MBOAT1: variants seen among roughly 807,000 people sequenced by gnomAD.
The protein encoded by MBOAT1 is membrane-bound glycerophospholipid O-acyltransferase 1.
MBOAT1 carries 67 observed loss-of-function variants against 64.4 expected under a neutral mutation model. That is an observed-to-expected ratio of 1.04 (90% CI 0.85 to 1.27). The LOEUF (loss-of-function observed/expected upper bound fraction) is 1.27. MBOAT1 is among the 50% of genes most tolerant of loss of function. The pLI, the probability that MBOAT1 is intolerant of heterozygous loss-of-function variation, is 0.00. For missense variants in MBOAT1, 563 were observed against 604.6 expected (o/e 0.93, Z 0.72); for synonymous variants, 229 against 218.9 (o/e 1.05, Z -0.41).
At chr6:20,103,558 A>C (rs1025886011) in intron 12 of MBOAT1, among the ~76,000 whole-genome samples, 14 of 151,954 alleles carry the variant, frequency 9.2e-5, no homozygotes, top group Non-Finnish European at 1.5e-5. Context: ...CAGCCTTCCA[A>C]GTAGCTGGGA....
chr6:20,150,743 T>TG lies in MBOAT1; in HGVS notation c.323+441_323+442insC, dbSNP rs200170486. ...TACGCCCAGCTAATTTTTTTTGGGT[T>TG]TTTTTTTTTTGTATTTTTAGTAGAG... is the stretch of plus-strand genomic sequence containing the variant. On this transcript the variant is annotated intron_variant, in intron 3 of 12. Transcript: ENST00000324607. 1.0e-3 allele frequency among the ~76,000 whole-genome samples: 150 copies of TG among 147,916 alleles called. 3 individuals carry two copies. The East Asian group carries it at 0.025, about 24-fold the overall frequency.
intron 8 of MBOAT1, among the ~76,000 whole-genome samples, chr6:20,123,502 A>C (rs1760552903): frequency 6.6e-6 from 1 of 152,172 alleles, no homozygotes; most frequent in South Asian, 2.1e-4. Flanking sequence ...ACTGCAGTCT[A>C]AAATTGTTTG....
intron 1 of MBOAT1, among the ~76,000 whole-genome samples, chr6:20,211,159 C>T (rs531779616): frequency 6.6e-6 from 1 of 152,226 alleles, no homozygotes; most frequent in East Asian, 1.9e-4. Context: ...GGCAAATGTC[C>T]AGGTCTCACT....
intron 4 of MBOAT1, 43 bp from the exon 5 acceptor site, chr6:20,131,242 A>C: frequency 6.4e-7 from 1 of 1,560,260 alleles, no homozygotes; most frequent in Non-Finnish European, 8.8e-7. Flanking sequence ...CAAGAAGGCC[A>C]TTGATGTGGT....
intron 1 of MBOAT1, among the ~76,000 whole-genome samples, chr6:20,160,045 C>A (rs1240866587): frequency 6.6e-6 from 1 of 152,134 alleles, no homozygotes; most frequent in African/African-American, 2.4e-5. Context: ...ACTGACATAG[C>A]TCAGATTCAG....
At position 20,112,977 on chromosome 6, in the gene MBOAT1, T is replaced by C. The variant is rs755597178; in HGVS notation, c.1108A>G (p.Thr370Ala). The C allele has an allele frequency of 3.7e-6, 6 of 1,614,070 alleles. No individual in the cohort carries two copies. In the South Asian group the frequency reaches 4.4e-5, roughly 12 times the overall value. ...VCYQRVPWYP[T>A]VLTFILSALW... is the part of the protein sequence containing the mutation. ...GCAGACAGGATGAAGGTTAGCACCG[T>C]GGGGTACCATGGAACCCGCTGATAG... The change falls in exon 11 of 13, where the codon ACG (threonine) becomes GCG (alanine). Residue 370 changes from threonine (T) to alanine (A), a missense_variant. By Grantham distance (58) the Thr-to-Ala change is moderately conservative (BLOSUM62 0). Transcript: ENST00000324607.
intron 9 of MBOAT1, among the ~76,000 whole-genome samples, chr6:20,116,861 A>C (rs1760333438): frequency 1.3e-5 from 2 of 152,206 alleles, no homozygotes; most frequent in Non-Finnish European, 2.9e-5. Context: ...AGGCAGCCGA[A>C]GGTCAAGGGG....
chr6:20,190,810 A>G (rs533204828), intron 1 of MBOAT1, among the ~76,000 whole-genome samples: 1 of 152,256 alleles, frequency 6.6e-6, no homozygotes, highest in South Asian at 2.1e-4. Context: ...GCAGCCAGGA[A>G]GTAGTTTCTG....
Position 20,212,420 on chromosome 6 carries a change from G to T in MBOAT1, c.-186C>A, listed in dbSNP as rs541233714. 3.3e-6 allele frequency: 2 copies of T among 598,230 alleles called. No individual in the cohort carries two copies. The highest frequency in any genetic ancestry group is 1.9e-5 in the African/African-American group (1 of 51,796). The allele number at this position is 598,230 out of a possible 1,614,324, so 37.1% of individuals were successfully genotyped here. A position where few individuals can be genotyped will look rare whatever the true frequency, so the allele number is the denominator to read the frequency against. ...CTCTCGAGGCGCAAACTCTCGAGGC[G>T]CAAACTTGGCTTTGGCGCTGGCGCT... is the stretch of plus-strand genomic sequence containing the variant. On this transcript the variant is annotated 5_prime_UTR_variant, in exon 1 of 13. Coordinates refer to ENST00000324607, the MANE Select transcript of MBOAT1 (RefSeq NM_001080480.3).
rs184649975 is a variant in MBOAT1, at chr6:20,101,626, G to A, written c.*660C>T. Among the ~76,000 whole-genome samples, 24 of 152,244 alleles carry A rather than the reference G, an allele frequency of 1.6e-4. No homozygotes were observed. Among genetic ancestry groups the A allele is most frequent in the East Asian group, 9.7e-4 (5 of 5,168 alleles). On this transcript the variant is annotated 3_prime_UTR_variant, in exon 13 of 13. Transcript: ENST00000324607. Reference sequence around the variant, plus strand: ...CACTCGCCTTCTAATTTTTGGAGCCGATGCCTGGGTTCCCAGCATCCAGGT... The same window carrying A: ...CACTCGCCTTCTAATTTTTGGAGCCAATGCCTGGGTTCCCAGCATCCAGGT...
At chr6:20,161,970 T>C (rs1017270392) in intron 1 of MBOAT1, among the ~76,000 whole-genome samples, 5 of 152,102 alleles carry the variant, frequency 3.3e-5, no homozygotes, top group South Asian at 2.1e-4. Flanking sequence ...CAGGGTTGGT[T>C]TCTTCTGAGA....
At chr6:20,192,676 G>C (rs994143974) in intron 1 of MBOAT1, among the ~76,000 whole-genome samples, 1 of 152,180 alleles carries the variant, frequency 6.6e-6, no homozygotes, top group African/African-American at 2.4e-5. Context: ...GTTGCCTAAA[G>C]AGCGCACTAA....
At chr6:20,183,686 T>C (rs1326596195) in intron 1 of MBOAT1, among the ~76,000 whole-genome samples, 2 of 152,238 alleles carry the variant, frequency 1.3e-5, no homozygotes, top group African/African-American at 2.4e-5. Flanking sequence ...CAGTTGTGAC[T>C]GCACAAAAGT....
Position 20,211,972 on chromosome 6 carries a change from ACACACAC to A in MBOAT1, c.99+157_99+163del, listed in dbSNP as rs1276599277. ...TAACACCAACTCAAGAAGGGAAAAC[ACACACAC>A]ACACACACACACACACACACACACA... is the stretch of plus-strand genomic sequence containing the variant. On this transcript the variant is annotated intron_variant, in intron 1 of 12. Transcript: ENST00000324607. The A allele has an allele frequency of 4.5e-3, 2,073 of 458,852 alleles. 16 individuals carry two copies. The highest frequency in any genetic ancestry group is 0.04 in the African/African-American group (869 of 21,632). The allele number at this position is 458,852 out of a possible 1,614,324, so 28.4% of individuals were successfully genotyped here. A position where few individuals can be genotyped will look rare whatever the true frequency, so the allele number is the denominator to read the frequency against.
chr6:20,178,064 C>T (rs1762400841), intron 1 of MBOAT1, among the ~76,000 whole-genome samples: 1 of 152,158 alleles, frequency 6.6e-6, no homozygotes. Flanking sequence ...TCTATTCTAA[C>T]ATTAAAGTGC....
At chr6:20,195,831 C>T (rs961697378) in intron 1 of MBOAT1, among the ~76,000 whole-genome samples, 2 of 152,030 alleles carry the variant, frequency 1.3e-5, no homozygotes, top group African/African-American at 4.8e-5. Context: ...GACAAGCACG[C>T]CTGGAGCTGG....
intron 11 of MBOAT1, among the ~76,000 whole-genome samples, chr6:20,110,050 C>T (rs1760087072): frequency 2.0e-5 from 3 of 150,994 alleles, no homozygotes; most frequent in East Asian, 2.0e-4. Context: ...GCTGGGATTA[C>T]AGGCACCTGC....
intron 1 of MBOAT1, 34 bp downstream of exon 1, chr6:20,212,102 A>T: frequency 6.3e-7 from 1 of 1,597,026 alleles, no homozygotes; most frequent in Non-Finnish European, 8.6e-7. Flanking sequence ...ATCGCTGGGG[A>T]GCTGGGGTCG....
In MBOAT1 at chr6:20,150,365, C is replaced by T. The variant is rs528109289; in HGVS notation, c.323+820G>A. 2.6e-5 allele frequency among the ~76,000 whole-genome samples: 4 copies of T among 152,206 alleles called. No homozygotes were observed. In the South Asian group the frequency reaches 8.3e-4, roughly 32 times the overall value. On this transcript the variant is annotated intron_variant, in intron 3 of 12. Coordinates refer to ENST00000324607, the MANE Select transcript of MBOAT1 (RefSeq NM_001080480.3). ...TGGAGACATCCATCACCCCCTAGAA[C>T]TTTCCTCATCCCTCTTTGTGATTCC... is the stretch of plus-strand genomic sequence containing the variant.
Sources: gnomAD v4.1 joint callset for allele counts (sites outside exome capture counted in the v4.1 genomes callset) on GRCh38, gnomAD v4.1.1 for gene constraint, MANE v1.5 for transcripts, NCBI Gene and HGNC (gene_info 2026-07-23, HGNC 2026-07-21) for gene names.